The following TMEM74 variants were observed in gnomAD, a reference collection of about 807,000 sequenced individuals.
The protein encoded by TMEM74 is transmembrane protein 74.
In TMEM74, 13 loss-of-function variants were observed where a neutral mutation model predicts 18.1. The ratio of observed to expected loss-of-function variants is 0.72; its 90% CI spans 0.47 to 1.14. TMEM74 has a LOEUF of 1.14. Among genes scored for constraint, TMEM74 ranks in the 50% most tolerant of loss-of-function variants. The pLI is 0.00. For synonymous variants in TMEM74, 159 were observed against 146.6 expected, an observed-to-expected ratio of 1.08 and a Z score of -0.61; for missense variants, 372 against 375.9, an observed-to-expected ratio of 0.99 and a Z score of 0.09.
chr8:108,682,441 A>G (rs1279919361), intron 1 of TMEM74, among the ~76,000 whole-genome samples: 1 of 152,112 alleles, frequency 6.6e-6, no homozygotes, highest in Non-Finnish European at 1.5e-5. Context: ...CAACAAAAAT[A>G]TTAACCACTA....
chr8:108,649,339 A>G (rs1812750356), intron 2 of TMEM74, among the ~76,000 whole-genome samples: 1 of 152,208 alleles, frequency 6.6e-6, no homozygotes, highest in South Asian at 2.1e-4. Flanking sequence ...TAAGTATTCA[A>G]TAAATGCCAG....
At chr8:108,666,600 A>G (rs999489324) in intron 1 of TMEM74, among the ~76,000 whole-genome samples, 4 of 152,130 alleles carry the variant, frequency 2.6e-5, no homozygotes, top group Non-Finnish European at 5.9e-5. Flanking sequence ...ACCCCTGCAT[A>G]GCTTTATAGT....
chr8:108,622,924 A>G (rs1359477571), intron 2 of TMEM74, among the ~76,000 whole-genome samples: 4 of 152,106 alleles, frequency 2.6e-5, no homozygotes, highest in Non-Finnish European at 1.5e-5. Context: ...ATGTGCTAAG[A>G]ATACAAAGAT....
intron 1 of TMEM74, among the ~76,000 whole-genome samples, chr8:108,672,433 A>G (rs1479033851): frequency 6.6e-6 from 1 of 152,092 alleles, no homozygotes; most frequent in East Asian, 1.9e-4. Flanking sequence ...ATTAGATTTT[A>G]TTTTTCTGGC....
chr8:108,685,929 TA>T (rs1209962981), intron 1 of TMEM74, among the ~76,000 whole-genome samples: 2 of 152,138 alleles, frequency 1.3e-5, no homozygotes, highest in African/African-American at 2.4e-5. Flanking sequence ...GTAAGGTTTT[TA>T]TAGGGGATAT....
intron 2 of TMEM74, among the ~76,000 whole-genome samples, chr8:108,623,306 T>C (rs1586237347): frequency 6.6e-6 from 1 of 152,196 alleles, no homozygotes; most frequent in South Asian, 2.1e-4. Context: ...TGTCTTTGGC[T>C]CCAGATAAGC....
At chr8:108,618,027 GA>G (rs1428668991) in intron 2 of TMEM74, among the ~76,000 whole-genome samples, 1 of 152,062 alleles carries the variant, frequency 6.6e-6, no homozygotes, top group Non-Finnish European at 1.5e-5. Flanking sequence ...AGATGAAGAA[GA>G]AACTGCATCC....
intron 2 of TMEM74, among the ~76,000 whole-genome samples, chr8:108,609,603 A>G (rs1374042183): frequency 6.6e-6 from 1 of 152,186 alleles, no homozygotes; most frequent in Non-Finnish European, 1.5e-5. Context: ...AGCCAAGATC[A>G]TGCCACTGCA....
Position 108,781,894 on chromosome 8 carries a change from C to G in TMEM74, c.*2287G>C, listed in dbSNP as rs2129663891. 1.3e-5 allele frequency among the ~76,000 whole-genome samples: 2 copies of G among 152,220 alleles called. No individual in the cohort carries two copies. Among genetic ancestry groups the G allele is most frequent in the East Asian group, 3.9e-4 (2 of 5,184 alleles). On this transcript the variant is annotated 3_prime_UTR_variant, in exon 2 of 2. Coordinates refer to ENST00000297459, the MANE Select transcript of TMEM74 (RefSeq NM_153015.3). ...GCTTCCACATGAAAAGCTTTATTAT[C>G]AAGTGAAAAGACCTCCTAACACTTG...
intron 2 of TMEM74, among the ~76,000 whole-genome samples, chr8:108,642,572 T>C (rs183722836): frequency 6.6e-6 from 1 of 152,254 alleles, no homozygotes; most frequent in African/African-American, 2.4e-5. Context: ...CAATAATGCA[T>C]AGTGTTCAAC....
intron 1 of TMEM74, among the ~76,000 whole-genome samples, chr8:108,662,356 C>A (rs189846451): frequency 4.1e-4 from 63 of 152,004 alleles, no homozygotes; most frequent in Non-Finnish European, 7.5e-4. Flanking sequence ...AGACAGAGAT[C>A]GAGACATTCG....
intron 2 of TMEM74, among the ~76,000 whole-genome samples, chr8:108,619,202 G>A (rs765846393): frequency 6.6e-6 from 1 of 152,074 alleles, no homozygotes; most frequent in Non-Finnish European, 1.5e-5. Flanking sequence ...ATATCCAAAT[G>A]GCAAAATAAG....
At chr8:108,742,945 C>T (rs1465372511) in intron 1 of TMEM74, among the ~76,000 whole-genome samples, 1 of 152,192 alleles carries the variant, frequency 6.6e-6, no homozygotes, top group African/African-American at 2.4e-5. Context: ...AGCCGTAAAT[C>T]AATAGAGATG....
At chr8:108,744,884 T>C (rs1203249344) in intron 1 of TMEM74, among the ~76,000 whole-genome samples, 2 of 152,162 alleles carry the variant, frequency 1.3e-5, no homozygotes, top group Non-Finnish European at 2.9e-5. Context: ...ATCTGGCTGA[T>C]GGATAATGTT....
chr8:108,654,721 T>C (rs1324804650), intron 2 of TMEM74, among the ~76,000 whole-genome samples: 1 of 151,914 alleles, frequency 6.6e-6, no homozygotes, highest in African/African-American at 2.4e-5. Context: ...TATTCCTTCT[T>C]GCCATCCTGA....
chr8:108,691,525 A>C (rs1813231017), intron 1 of TMEM74, among the ~76,000 whole-genome samples: 2 of 152,208 alleles, frequency 1.3e-5, no homozygotes, highest in South Asian at 4.1e-4. Flanking sequence ...AGTATTATAA[A>C]CTGGAAATGT....
chr8:108,777,018 G>A (rs192721271), downstream of TMEM74, among the ~76,000 whole-genome samples: 1 of 152,116 alleles, frequency 6.6e-6, no homozygotes, highest in African/African-American at 2.4e-5. Flanking sequence ...GATAATGGTA[G>A]CTGTTATGAT....
downstream of TMEM74, among the ~76,000 whole-genome samples, chr8:108,774,306 G>A (rs1353811690): frequency 6.6e-6 from 1 of 152,186 alleles, no homozygotes; most frequent in Non-Finnish European, 1.5e-5. Context: ...CAACTGGACT[G>A]AAAACCTTCC....
At chr8:108,675,123 T>C (rs1813043917) in intron 1 of TMEM74, among the ~76,000 whole-genome samples, 1 of 152,208 alleles carries the variant, frequency 6.6e-6, no homozygotes, top group South Asian at 2.1e-4. Flanking sequence ...ATATGTTTCC[T>C]AGAGTTCCCC....
Sources: gnomAD v4.1 joint callset for allele counts (sites outside exome capture counted in the v4.1 genomes callset) on GRCh38, gnomAD v4.1.1 for gene constraint, MANE v1.5 for transcripts, NCBI Gene and HGNC (gene_info 2026-07-23, HGNC 2026-07-21) for gene names.